The following HECW2 variants were observed in gnomAD, a reference collection of about 807,000 sequenced individuals.
HECW2 encodes HECT, C2 and WW domain containing E3 ubiquitin protein ligase 2.
A neutral mutation model predicts 175.2 loss-of-function variants in HECW2; 61 were observed. The observed-to-expected ratio is 0.35, with a 90% CI of 0.28 to 0.43. The LOEUF is 0.43. Among genes scored for constraint, HECW2 ranks in the 20% least tolerant of loss-of-function variants. The pLI is 1.00. For synonymous variants in HECW2, 671 were observed against 731.0 expected (o/e 0.92, Z 1.32); for missense variants, 1,524 against 2,000.5 (o/e 0.76, Z 4.54).
Position 196,201,194 on chromosome 2 carries a change from T to C in HECW2, c.*83A>G. On this transcript the variant is annotated 3_prime_UTR_variant, in exon 29 of 29. Transcript: ENST00000644978. ...CTTTATCCTAAAGGAAGCATCCTCT[T>C]GAAACTTCCAATGTTCAATCATTCT... 1 of 916,562 alleles carries C rather than the reference T, an allele frequency of 1.1e-6. No individual in the cohort carries two copies. The highest frequency in any genetic ancestry group is 1.7e-5 in the Admixed American group (1 of 57,524). 56.8% of individuals were successfully genotyped at this position (916,562 alleles called of 1,614,324 possible).
At chr2:196,334,709 A>G (rs1029580690) in intron 3 of HECW2, among the ~76,000 whole-genome samples, 191 bp from the exon 4 acceptor site, 5 of 152,184 alleles carry the variant, frequency 3.3e-5, no homozygotes, top group Admixed American at 3.3e-4. Context: ...AAACTTTGTA[A>G]CCTCTTGAAC....
At chr2:196,520,273 A>G (rs1688311233) in intron 1 of HECW2, among the ~76,000 whole-genome samples, 1 of 152,156 alleles carries the variant, frequency 6.6e-6, no homozygotes, top group African/African-American at 2.4e-5. Context: ...TTACCAAAAA[A>G]AAAAAAAGAT....
chr2:196,214,968 A>G (rs78086673), intron 28 of HECW2, among the ~76,000 whole-genome samples: 1,819 of 152,312 alleles, frequency 0.012, 14 homozygotes, highest in Non-Finnish European at 0.019. Context: ...ATTTAGGATA[A>G]CATCTTGGGG....
At chr2:196,514,820 T>C (rs1336620395) in intron 1 of HECW2, among the ~76,000 whole-genome samples, 1 of 152,228 alleles carries the variant, frequency 6.6e-6, no homozygotes, top group African/African-American at 2.4e-5. Context: ...AGCTCCTCTC[T>C]GCCTTGCTCA....
chr2:196,240,595 AT>A, intron 20 of HECW2, 33 bp from the exon 21 acceptor site: 1 of 1,528,402 alleles, frequency 6.5e-7, no homozygotes, highest in Non-Finnish European at 8.8e-7. Flanking sequence ...GAAAATACAA[AT>A]TATTACTATA....
At chr2:196,549,875 C>A (rs1033221180) in intron 1 of HECW2, among the ~76,000 whole-genome samples, 1 of 152,140 alleles carries the variant, frequency 6.6e-6, no homozygotes, top group Non-Finnish European at 1.5e-5. Context: ...ATATTCTAAA[C>A]TGAACTGGCC....
intron 2 of HECW2, among the ~76,000 whole-genome samples, chr2:196,407,832 G>A (rs1695004614): frequency 6.6e-6 from 1 of 152,224 alleles, no homozygotes; most frequent in African/African-American, 2.4e-5. Context: ...ATTCATCTGT[G>A]TATTCCTAGT....
intron 1 of HECW2, among the ~76,000 whole-genome samples, chr2:196,516,196 T>TTA (rs370287130): frequency 1.3e-4 from 20 of 152,258 alleles, no homozygotes; most frequent in African/African-American, 4.8e-4. Context: ...TTATGCCTTG[T>TTA]GAGTAGCATT....
intron 1 of HECW2, among the ~76,000 whole-genome samples, chr2:196,550,487 C>T (rs1689574339): frequency 6.6e-6 from 1 of 151,820 alleles, no homozygotes; most frequent in Non-Finnish European, 1.5e-5. Context: ...AATAGCTTTT[C>T]CTTTTAAAAT....
intron 1 of HECW2, among the ~76,000 whole-genome samples, chr2:196,552,667 T>C (rs1368412256): frequency 6.6e-6 from 1 of 152,138 alleles, no homozygotes; most frequent in Non-Finnish European, 1.5e-5. Flanking sequence ...CTCCCTATGG[T>C]TCCTTAAGTG....
intron 10 of HECW2, among the ~76,000 whole-genome samples, chr2:196,309,427 C>A (rs1464200228): frequency 2.0e-5 from 3 of 152,214 alleles, no homozygotes; most frequent in Admixed American, 2.0e-4. Flanking sequence ...AATCTGAATT[C>A]TTTGGGCACT....
At chr2:196,383,982 T>G (rs1387495047) in intron 2 of HECW2, among the ~76,000 whole-genome samples, 1 of 152,220 alleles carries the variant, frequency 6.6e-6, no homozygotes, top group East Asian at 1.9e-4. Context: ...ATGGGAATTG[T>G]ACAACCTCAA....
intron 5 of HECW2, among the ~76,000 whole-genome samples, chr2:196,326,448 A>ATT (rs11455303): frequency 0.032 from 4,666 of 145,616 alleles, 90 homozygotes; most frequent in Middle Eastern, 0.064. Flanking sequence ...ACTAAGAGCA[A>ATT]TTTTTTTTTT....
At chr2:196,587,547 A>AT (rs1265621132) in intron 1 of HECW2, among the ~76,000 whole-genome samples, 1 of 152,182 alleles carries the variant, frequency 6.6e-6, no homozygotes, top group Non-Finnish European at 1.5e-5. Context: ...TTTCATCACT[A>AT]TTTTTACACT....
At chr2:196,398,634 T>C (rs938422308) in intron 2 of HECW2, among the ~76,000 whole-genome samples, 10 of 152,162 alleles carry the variant, frequency 6.6e-5, no homozygotes, top group African/African-American at 2.4e-4. Flanking sequence ...GGCATCTTTC[T>C]CTATTAAACA....
At chr2:196,391,623 A>G (rs531742550) in intron 2 of HECW2, among the ~76,000 whole-genome samples, 4 of 152,276 alleles carry the variant, frequency 2.6e-5, no homozygotes, top group Non-Finnish European at 4.4e-5. Context: ...TGCTGTGCTT[A>G]ACTCTTTGGA....
chr2:196,375,197 A>G (rs777240839), intron 2 of HECW2, among the ~76,000 whole-genome samples: 4 of 152,230 alleles, frequency 2.6e-5, no homozygotes, highest in Admixed American at 6.5e-5. Flanking sequence ...AAAGAAAACT[A>G]GTTTCAATCT....
At chr2:196,409,035 T>C (rs1237192333) in intron 2 of HECW2, among the ~76,000 whole-genome samples, 3 of 152,212 alleles carry the variant, frequency 2.0e-5, no homozygotes, top group Non-Finnish European at 4.4e-5. Flanking sequence ...GGTTGTTAGA[T>C]GTTGGTAGCT....
chr2:196,339,369 T>C (rs894180225), intron 3 of HECW2, among the ~76,000 whole-genome samples: 2 of 152,250 alleles, frequency 1.3e-5, no homozygotes, highest in Admixed American at 6.5e-5. Flanking sequence ...TAATCCTATA[T>C]ACATTTCCCA....
Sources: allele counts gnomAD v4.1 joint callset (sites outside exome capture counted in the v4.1 genomes callset), GRCh38; gene constraint gnomAD v4.1.1; transcripts MANE v1.5; gene names NCBI Gene and HGNC (gene_info 2026-07-23, HGNC 2026-07-21).